PCDH15: variants seen among roughly 807,000 people sequenced by gnomAD.
PCDH15 encodes protocadherin-15.
Under a neutral mutation model 178.5 loss-of-function variants are expected in PCDH15, and 129 were observed. That is an observed-to-expected ratio of 0.72 (90% CI 0.63 to 0.84). The LOEUF (loss-of-function observed/expected upper bound fraction) is 0.84, where lower values mean the gene tolerates loss of function less well. Ranked by LOEUF, PCDH15 falls within the 40% of genes least tolerant of loss-of-function variation. PCDH15 has a pLI of 0.00. For missense variants in PCDH15, 2,230 were observed against 2,099.9 expected (o/e 1.06, Z -1.21); for synonymous variants, 800 against 732.0 (o/e 1.09, Z -1.50).
intron 18 of PCDH15, among the ~76,000 whole-genome samples, chr10:54,026,942 C>T (rs1306984483): frequency 1.3e-5 from 2 of 149,856 alleles, no homozygotes; most frequent in Non-Finnish European, 1.5e-5. Flanking sequence ...CTGGCCAGGG[C>T]AATTAGGCAG....
At chr10:54,385,189 GT>G (rs1426207415) in intron 3 of PCDH15, among the ~76,000 whole-genome samples, 3 of 152,018 alleles carry the variant, frequency 2.0e-5, no homozygotes, top group African/African-American at 7.2e-5. Context: ...AGAAAATGTG[GT>G]TTTTTAGTAC....
chr10:54,838,353 G>T (rs1356658257), intron 3 of PCDH15, among the ~76,000 whole-genome samples: 2 of 152,004 alleles, frequency 1.3e-5, no homozygotes, highest in Non-Finnish European at 1.5e-5. Context: ...GAGATCTGAT[G>T]GTTTTAGAAA....
chr10:53,919,873 T>G (rs2083857320), intron 25 of PCDH15, among the ~76,000 whole-genome samples: 1 of 152,136 alleles, frequency 6.6e-6, no homozygotes, highest in African/African-American at 2.4e-5. Context: ...TTCTAAAACT[T>G]TCTAAGTTTT....
chr10:55,436,203 C>T (rs1398875678), intron 2 of PCDH15, among the ~76,000 whole-genome samples: 2 of 151,948 alleles, frequency 1.3e-5, no homozygotes, highest in Non-Finnish European at 2.9e-5. Context: ...GCAAATCAAA[C>T]ATAAATACTT....
rs143090687 is a variant in PCDH15, at chr10:54,079,422, G to C, written c.2000C>G (p.Thr667Arg). Residue 667 changes from threonine (T) to arginine (R), a missense_variant and splice_region_variant, in exon 17 of 38, where the codon ACG (threonine) becomes AGG (arginine). Physicochemically the swap from Thr to Arg is moderately conservative, Grantham distance 71. Transcript: ENST00000644397. ...PQRVFNLSET[T>R]GILTLGKALD... ...TGCTTTCCCTAAGGTTAGAATCCCCGTGCTAGTGACAAAACAAACAAACAA... is the reference window on the plus strand; with the variant it reads ...TGCTTTCCCTAAGGTTAGAATCCCCCTGCTAGTGACAAAACAAACAAACAA... The C allele has an allele frequency of 2.5e-6, 4 of 1,613,308 alleles. No homozygotes were observed. Among genetic ancestry groups the C allele is most frequent in the Non-Finnish European group, 3.4e-6 (4 of 1,179,458 alleles).
intron 2 of PCDH15, among the ~76,000 whole-genome samples, chr10:55,418,322 G>A (rs1288669520): frequency 1.3e-5 from 2 of 151,718 alleles, no homozygotes; most frequent in Admixed American, 1.3e-4. Flanking sequence ...GCTGCTGATT[G>A]TGGGAAATTG....
At chr10:53,819,843 T>C (rs886332424) in intron 33 of PCDH15, among the ~76,000 whole-genome samples, 6 of 152,064 alleles carry the variant, frequency 3.9e-5, no homozygotes, top group African/African-American at 1.4e-4. Flanking sequence ...ATAATGACAT[T>C]AGGAATCTCC....
chr10:53,807,658 A>G (rs1386575457), intron 37 of PCDH15, among the ~76,000 whole-genome samples: 2 of 151,020 alleles, frequency 1.3e-5, no homozygotes, highest in Admixed American at 6.6e-5. Flanking sequence ...GCATTTATTT[A>G]CTTGACTTTA....
chr10:54,787,310 G>T (rs1425601268), intron 1 of PCDH15, among the ~76,000 whole-genome samples: 2 of 151,684 alleles, frequency 1.3e-5, no homozygotes, highest in African/African-American at 2.4e-5. Flanking sequence ...CTTAATGTAT[G>T]CTTTGTGACA....
chr10:55,104,070 T>TAC (rs375370261), intron 2 of PCDH15, among the ~76,000 whole-genome samples: 13 of 151,440 alleles, frequency 8.6e-5, no homozygotes, highest in Middle Eastern at 6.8e-3. Flanking sequence ...TATACATACA[T>TAC]ACACACACAC....
At chr10:54,786,938 A>G (rs1169910495) in intron 1 of PCDH15, among the ~76,000 whole-genome samples, 1 of 151,764 alleles carries the variant, frequency 6.6e-6, no homozygotes, top group Non-Finnish European at 1.5e-5. Flanking sequence ...CTCAAAAGTT[A>G]ACTATGTAAA....
intron 1 of PCDH15, among the ~76,000 whole-genome samples, chr10:54,790,699 G>A (rs185380330): frequency 4.0e-5 from 6 of 151,838 alleles, no homozygotes; most frequent in South Asian, 2.1e-4. Flanking sequence ...ACAATTACAC[G>A]TGAAGATATA....
At chr10:54,209,918 A>C (rs1294139144) in intron 10 of PCDH15, among the ~76,000 whole-genome samples, 2 of 152,110 alleles carry the variant, frequency 1.3e-5, no homozygotes, top group African/African-American at 4.8e-5. Context: ...CAGGGGTTGT[A>C]GTAGCTGTCC....
intron 18 of PCDH15, among the ~76,000 whole-genome samples, chr10:54,043,385 CTCTT>C (rs1053692702): frequency 5.3e-5 from 8 of 151,042 alleles, no homozygotes; most frequent in East Asian, 3.9e-4. Context: ...CTCTCTCTCT[CTCTT>C]TCTCTTTCTT....
At chr10:54,073,516 T>C (rs2094286069) in intron 17 of PCDH15, among the ~76,000 whole-genome samples, 4 of 152,096 alleles carry the variant, frequency 2.6e-5, no homozygotes, top group Admixed American at 1.3e-4. Context: ...TAATTGTTCA[T>C]TTATATTGCC....
intron 1 of PCDH15, among the ~76,000 whole-genome samples, chr10:54,690,310 CTT>C (rs71014404): frequency 3.2e-5 from 4 of 126,124 alleles, no homozygotes; most frequent in East Asian, 2.2e-4. Flanking sequence ...ACAAGACTAC[CTT>C]TTTTTTTTTT....
rs190830740 is a variant in PCDH15 at position 55,558,900 on chromosome 10, G to C, written c.-156+68725C>G. Among the ~76,000 whole-genome samples the C allele has an allele frequency of 2.9e-4, 44 of 152,090 alleles. No individual in the cohort carries two copies. In the East Asian group the frequency reaches 5.6e-3, roughly 19 times the overall value. On this transcript the variant is annotated intron_variant, in intron 2 of 5. Coordinates refer to the PCDH15 transcript ENST00000613346. ...TTAATTGAAGTGTAATACATGTACA[G>C]ATACGTGAAAAAATATTATTGGTAT...
At chr10:55,120,662 A>G (rs1425395385) in intron 2 of PCDH15, among the ~76,000 whole-genome samples, 2 of 152,192 alleles carry the variant, frequency 1.3e-5, no homozygotes, top group African/African-American at 4.8e-5. Context: ...GATTAAATAT[A>G]TAAATAAATA....
intron 2 of PCDH15, among the ~76,000 whole-genome samples, chr10:54,647,054 C>T (rs2135109429): frequency 6.6e-6 from 1 of 152,228 alleles, no homozygotes; most frequent in Non-Finnish European, 1.5e-5. Flanking sequence ...TACTGCAGCA[C>T]TATTCACAAC....
Sources: gnomAD v4.1 joint callset for allele counts (sites outside exome capture counted in the v4.1 genomes callset) on GRCh38, gnomAD v4.1.1 for gene constraint, MANE v1.5 for transcripts, NCBI Gene and HGNC (gene_info 2026-07-23, HGNC 2026-07-21) for gene names.